Variants in FKBP8 observed in about 807,000 individuals in gnomAD.
FKBP8 encodes peptidyl-prolyl cis-trans isomerase FKBP8.
Under a neutral mutation model 41.7 loss-of-function variants are expected in FKBP8, and 5 were observed. The ratio of observed to expected loss-of-function variants is 0.12; its 90% confidence interval spans 0.06 to 0.25. The LOEUF (loss-of-function observed/expected upper bound fraction) is 0.25. Among genes scored for constraint, FKBP8 ranks in the 10% least tolerant of loss-of-function variants. The pLI, the probability that FKBP8 is intolerant of heterozygous loss-of-function variation, is 1.00. For synonymous variants in FKBP8, 279 were observed against 254.5 expected, an observed-to-expected ratio of 1.10 and a Z score of -0.92; for missense variants, 397 against 563.0, an observed-to-expected ratio of 0.71 and a Z score of 2.98.
chr19:18,531,814 G>A lies in FKBP8; in HGVS notation c.*355C>T, dbSNP rs1009187321. 7.1e-6 allele frequency: 2 copies of A among 280,448 alleles called. No homozygotes were observed. The highest frequency in any genetic ancestry group is 1.4e-5 in the Non-Finnish European group (2 of 142,884). The allele number at this position is 280,448 out of a possible 1,614,324, so 17.4% of individuals were successfully genotyped here. On this transcript the variant is annotated 3_prime_UTR_variant, in exon 9 of 9. Coordinates refer to ENST00000608443, the MANE Select transcript of FKBP8 (RefSeq NM_012181.5). ...GTGGCGGGGAGGGAACCTGGACAGG[G>A]GGCGGCAGGCGGGGTGGGGGGCTGG...
intron 2 of FKBP8, 46 bp downstream of exon 2, chr19:18,541,633 G>A (rs372986668): frequency 1.8e-5 from 28 of 1,555,438 alleles, no homozygotes; most frequent in Admixed American, 5.5e-5. Flanking sequence ...CTCAGGGGAC[G>A]AGAGGGCCAG....
intron 6 of FKBP8, among the ~76,000 whole-genome samples, chr19:18,535,257 C>T (rs2145186384): frequency 6.6e-6 from 1 of 152,034 alleles, no homozygotes; most frequent in Non-Finnish European, 1.5e-5. Context: ...AATGGGGTCT[C>T]ACTATGCTGC....
rs1007831633 is a variant in FKBP8 at position 18,539,219 on chromosome 19, A to G, written c.551+152T>C. ...AGCAATCCTCCTACCTCAACCTCCC[A>G]AAGTGCTGGGATTTCAGGTGTGAGC... On this transcript the variant is annotated intron_variant, in intron 4 of 8. Coordinates refer to ENST00000608443, the MANE Select transcript of FKBP8 (RefSeq NM_012181.5). 9 of 707,278 alleles carry G rather than the reference A, an allele frequency of 1.3e-5. 1 individual carries two copies. The highest frequency in any genetic ancestry group is 1.3e-4 in the South Asian group (7 of 55,976). 43.8% of individuals were successfully genotyped at this position (707,278 alleles called of 1,614,324 possible).
intron 8 of FKBP8, 22 bp from the exon 9 acceptor site, chr19:18,532,277 G>A (rs1429493984): frequency 1.3e-6 from 2 of 1,581,258 alleles, no homozygotes; most frequent in Non-Finnish European, 1.7e-6. Context: ...AAGGAGGGGA[G>A]AGAAGGGTGG....
Position 18,542,020 on chromosome 19 carries a change from G to C in FKBP8, c.-25-25C>G, listed in dbSNP as rs760871342. 3.8e-6 allele frequency: 6 copies of C among 1,592,014 alleles called. No individual in the cohort carries two copies. The African/African-American group carries it at 8.0e-5, about 21-fold the overall frequency. ...CCTGGAAGTGGGGGGCAGAGATGTG[G>C]GTCAGAATCCTACACAGCCCCTCAA... On this transcript the variant is annotated intron_variant, in intron 1 of 8. Coordinates refer to ENST00000608443, the MANE Select transcript of FKBP8 (RefSeq NM_012181.5).
intron 6 of FKBP8, among the ~76,000 whole-genome samples, chr19:18,533,857 A>T (rs1297683196): frequency 6.6e-6 from 1 of 151,254 alleles, no homozygotes; most frequent in Non-Finnish European, 1.5e-5. Context: ...ATACAAAAAA[A>T]ATTAGCTGGG....
At chr19:18,536,419 T>A (rs1330315160) in intron 6 of FKBP8, among the ~76,000 whole-genome samples, 1 of 152,124 alleles carries the variant, frequency 6.6e-6, no homozygotes, top group Non-Finnish European at 1.5e-5. Flanking sequence ...AGTGCAGTGG[T>A]GTGATCAAGG....
Position 18,537,937 on chromosome 19 carries a change from G to A in FKBP8, c.773-164C>T. 1.3e-6 allele frequency: 1 copy of A among 780,886 alleles called. No homozygotes were observed. 48.4% of individuals were successfully genotyped at this position (780,886 alleles called of 1,614,324 possible). ...GCTCTCCTGAGGAAGCTACAAGATG[G>A]AGACTTAAGCAAGCGAGGGCCTAGC... On this transcript the variant is annotated intron_variant, in intron 5 of 8. Coordinates refer to ENST00000608443, the MANE Select transcript of FKBP8 (RefSeq NM_012181.5). The surrounding 1 kb of genome is among the most constrained non-coding windows in gnomAD (Gnocchi z 4.4).
intron 6 of FKBP8, among the ~76,000 whole-genome samples, chr19:18,534,540 C>G (rs1040869800): frequency 3.9e-5 from 6 of 152,074 alleles, no homozygotes; most frequent in Admixed American, 3.3e-4. Context: ...ACCACCTCCA[C>G]TGGCGAGAGG....
At position 18,537,237 on chromosome 19, in the gene FKBP8, T is replaced by C. The variant is rs1310937490; in HGVS notation, c.945+364A>G. Among the ~76,000 whole-genome samples, 3 of 151,752 alleles carry C rather than the reference T, an allele frequency of 2.0e-5. No homozygotes were observed. Among genetic ancestry groups the C allele is most frequent in the Non-Finnish European group, 4.4e-5 (3 of 67,936 alleles). ...CCTGTAGTCCCAGCTACTTGGGAGGTTGAGGCAGGACAATCGCTTGAACCC... is the reference window on the plus strand; with the variant it reads ...CCTGTAGTCCCAGCTACTTGGGAGGCTGAGGCAGGACAATCGCTTGAACCC... On this transcript the variant is annotated intron_variant, in intron 6 of 8. Coordinates refer to ENST00000608443, the MANE Select transcript of FKBP8 (RefSeq NM_012181.5). The surrounding 1 kb of genome is among the most constrained non-coding windows in gnomAD (Gnocchi z 4.4).
chr19:18,540,225 A>G (rs770965480), intron 2 of FKBP8, among the ~76,000 whole-genome samples: 2 of 152,084 alleles, frequency 1.3e-5, no homozygotes, highest in Non-Finnish European at 2.9e-5. Context: ...CAGCCATGAA[A>G]TGAGGTGCTC....
Position 18,541,718 on chromosome 19 carries a change from C to T in FKBP8, c.253G>A (p.Ala85Thr), listed in dbSNP as rs374983500. Reference sequence around the variant, plus strand: ...CACTCTTCTGGGGCCGGGGCTGGGGCGGGCTCGGGCTCCATGGCAGCAAGG... The same window carrying T: ...CACTCTTCTGGGGCCGGGGCTGGGGTGGGCTCGGGCTCCATGGCAGCAAGG... ...EFLAAMEPEP[A>T]PAPAPEEWLD... The change falls in exon 2 of 9, where the codon GCC becomes ACC. Residue 85 changes from alanine (A) to threonine (T), a missense_variant. Ala to Thr is a moderately conservative substitution (Grantham distance 58, BLOSUM62 0). Around this residue, in one of 2 missense-constraint regions of FKBP8, gnomAD observed 172 missense variants for 196.2 expected, o/e 0.88. Coordinates refer to ENST00000608443, the MANE Select transcript of FKBP8 (RefSeq NM_012181.5). The T allele has an allele frequency of 3.2e-5, 51 of 1,612,266 alleles. No individual in the cohort carries two copies. The highest frequency in any genetic ancestry group is 1.8e-4 in the Admixed American group (11 of 59,930).
rs369307036 is a variant in FKBP8 at position 18,538,150 on chromosome 19, G to T, written c.772+66C>A. 10 of 1,487,002 alleles carry T rather than the reference G, an allele frequency of 6.7e-6. No homozygotes were observed. In the South Asian group the frequency reaches 8.9e-5, roughly 13 times the overall value. The allele number at this position is 1,487,002 out of a possible 1,614,324, so 92.1% of individuals were successfully genotyped here. On this transcript the variant is annotated intron_variant, in intron 5 of 8. Transcript: ENST00000608443. The surrounding 1 kb of genome is among the most constrained non-coding windows in gnomAD (Gnocchi z 4.0). ...CTGAGTCTGAGGCTCTCTGGGGCTG[G>T]AAGTTTCTGGCACGGAGTGGACACC... is the stretch of plus-strand genomic sequence containing the variant.
At chr19:18,536,305 C>A (rs1976574426) in intron 6 of FKBP8, 1 of 152,110 alleles carries the variant, frequency 6.6e-6, no homozygotes. Flanking sequence ...GAATGAAGGT[C>A]AAGTCTGTGC....
intron 1 of FKBP8, chr19:18,543,284 C>T: frequency 8.2e-6 from 1 of 122,038 alleles, no homozygotes; most frequent in South Asian, 2.2e-4. Context: ...CCCTTTGCCC[C>T]CAGTGACCCC....
intron 6 of FKBP8, among the ~76,000 whole-genome samples, chr19:18,534,758 T>C (rs976497592): frequency 2.2e-4 from 34 of 151,640 alleles, no homozygotes; most frequent in African/African-American, 8.0e-4. Context: ...ATTATTTATT[T>C]ATGTATTTAT....
intron 7 of FKBP8, 122 bp from the exon 8 acceptor site, chr19:18,532,917 G>C (rs1208169405): frequency 6.8e-7 from 1 of 1,464,828 alleles, no homozygotes; most frequent in African/African-American, 1.4e-5. Flanking sequence ...GGTCCCATCT[G>C]CCCCTTTCTG....
At position 18,539,590 on chromosome 19, in the gene FKBP8, C is replaced by T. The variant is rs917631081; in HGVS notation, c.423G>A (p.Pro141=). ...AGTCACCCAGAGTGAACACCAGCTC[C>T]GGCTCCTCCTGCACCCGTGTGCCAT... ...LENGTRVQEE[P]ELVFTLGDCD... The change falls in exon 3 of 9, where the codon CCG becomes CCA. Residue 141 remains proline (P), a synonymous_variant. Coordinates refer to ENST00000608443, the MANE Select transcript of FKBP8 (RefSeq NM_012181.5). 9.3e-6 allele frequency: 15 copies of T among 1,613,130 alleles called. No individual in the cohort carries two copies. The highest frequency in any genetic ancestry group is 1.1e-5 in the Non-Finnish European group (13 of 1,180,034).
chr19:18,536,344 G>C (rs937581098), intron 6 of FKBP8, among the ~76,000 whole-genome samples: 1 of 152,112 alleles, frequency 6.6e-6, no homozygotes, highest in African/African-American at 2.4e-5. Flanking sequence ...TGTTCTGCCA[G>C]AACTTTTTTT....
Sources: allele counts gnomAD v4.1 joint callset (sites outside exome capture counted in the v4.1 genomes callset), GRCh38; gene constraint gnomAD v4.1.1; regional missense constraint gnomAD v4.1.1; non-coding constraint Gnocchi (gnomAD v3.1); transcripts MANE v1.5; gene names NCBI Gene and HGNC (gene_info 2026-07-23, HGNC 2026-07-21).